The following NOTCH1 variants were observed in gnomAD, a reference collection of about 807,000 sequenced individuals.
The protein encoded by NOTCH1 is notch receptor 1, also known as neurogenic locus notch homolog protein 1.
A neutral mutation model predicts 254.8 loss-of-function variants in NOTCH1; 37 were observed. The observed-to-expected ratio is 0.15, with a 90% CI of 0.11 to 0.19. The LOEUF (loss-of-function observed/expected upper bound fraction) is 0.19, where lower values mean the gene tolerates loss of function less well. Among genes scored for constraint, NOTCH1 ranks in the 10% least tolerant of loss-of-function variants. NOTCH1 has a pLI of 1.00. For missense variants in NOTCH1, 2,972 were observed against 3,708.6 expected, an observed-to-expected ratio of 0.80 and a Z score of 5.16; for synonymous variants, 1,731 against 1,618.1, an observed-to-expected ratio of 1.07 and a Z score of -1.68.
At chr9:136,525,835 G>A (rs746534360) in intron 2 of NOTCH1, among the ~76,000 whole-genome samples, 37 of 152,366 alleles carry the variant, frequency 2.4e-4, no homozygotes, top group Non-Finnish European at 3.8e-4. Flanking sequence ...CCAAAGGCCC[G>A]GGAGGCATCT....
Position 136,513,336 on chromosome 9 carries a change from C to T in NOTCH1, c.2353+56G>A. 6.2e-7 allele frequency: 1 copy of T among 1,610,208 alleles called. No homozygotes were observed. Among genetic ancestry groups the T allele is most frequent in the Non-Finnish European group, 8.5e-7 (1 of 1,179,200 alleles). ...GACCTGGGTCCCGATCCTGTGTCTC[C>T]AGCTCCCCAGACTCGAGGGCGGCCC... is the stretch of plus-strand genomic sequence containing the variant. On this transcript the variant is annotated intron_variant, in intron 14 of 33. Coordinates refer to ENST00000651671, the MANE Select transcript of NOTCH1 (RefSeq NM_017617.5). The surrounding 1 kb of genome is among the most constrained non-coding windows in gnomAD (Gnocchi z 4.7).
intron 15 of NOTCH1, 141 bp from the exon 16 acceptor site, chr9:136,511,412 G>A: frequency 9.2e-7 from 1 of 1,090,030 alleles, no homozygotes; most frequent in Non-Finnish European, 1.3e-6. Context: ...AGACCCCTGA[G>A]CGCTCCCGGC....
chr9:136,545,533 G>A lies in NOTCH1; in HGVS notation c.61+193C>T, dbSNP rs1248041577. On this transcript the variant is annotated intron_variant, in intron 1 of 33. Transcript: ENST00000651671. This position sits in a 1 kb window ranked among gnomAD's most constrained non-coding sequence, Gnocchi z 6.8. ...CGGGCGGCGCGAGTCCGCCTCCACG[G>A]GGGGATCGAGGGGGAAGGTCGGTCC... 1.3e-5 allele frequency among the ~76,000 whole-genome samples: 2 copies of A among 151,862 alleles called. No individual in the cohort carries two copies. Among genetic ancestry groups the A allele is most frequent in the African/African-American group, 2.4e-5 (1 of 41,346 alleles).
intron 2 of NOTCH1, among the ~76,000 whole-genome samples, chr9:136,534,217 A>G (rs1478342959): frequency 2.0e-5 from 3 of 152,222 alleles, no homozygotes; most frequent in Non-Finnish European, 4.4e-5. Context: ...GCCTTGGCTC[A>G]GGCTGGGGCG....
chr9:136,522,885 G>A lies in NOTCH1; in HGVS notation c.707C>T (p.Thr236Met), dbSNP rs537766290. ...GGCACACTCGTGGGTGACGTCGCCC[G>A]TGGGGCGGCAGGTGCCCCCGTTCTG... is the stretch of plus-strand genomic sequence containing the variant. ...PCQNGGTCRP[T>M]GDVTHECACL... The change falls in exon 4 of 34, where the codon ACG becomes ATG. Residue 236 changes from threonine (T) to methionine (M), a missense_variant. This residue lies in a region of NOTCH1 where 374 missense variants were observed against 496.3 expected (regional missense o/e 0.75). Coordinates refer to ENST00000651671, the MANE Select transcript of NOTCH1 (RefSeq NM_017617.5). 1.3e-5 allele frequency: 20 copies of A among 1,530,180 alleles called. No homozygotes were observed. The highest frequency in any genetic ancestry group is 1.1e-4 in the South Asian group (9 of 82,600). 94.8% of individuals were successfully genotyped at this position (1,530,180 alleles called of 1,614,324 possible).
In NOTCH1 at chr9:136,496,795, T is replaced by A; in HGVS notation, c.6944A>T (p.Gln2315Leu). ...GTATTGGTTCGGCACCATGCCGCTC[T>A]GCAGCCGGGACAGCCACTCGCATTG... ...NGQCEWLSRL[Q>L]SGMVPNQYNP... The change falls in exon 34 of 34, where the codon CAG becomes CTG. Residue 2315 changes from glutamine (Q) to leucine (L), a missense_variant. Gln to Leu is a moderately radical substitution (Grantham distance 113, BLOSUM62 -2). Transcript: ENST00000651671. The A allele has an allele frequency of 6.2e-7, 1 of 1,612,926 alleles. No individual in the cohort carries two copies. Among genetic ancestry groups the A allele is most frequent in the Non-Finnish European group, 8.5e-7 (1 of 1,180,010 alleles).
chr9:136,544,881 C>A (rs1350261971), intron 1 of NOTCH1, among the ~76,000 whole-genome samples: 1 of 151,682 alleles, frequency 6.6e-6, no homozygotes, highest in African/African-American at 2.4e-5. Flanking sequence ...GCCCCTCCCT[C>A]CCCATCTTAC....
rs1302629448 is a variant in NOTCH1 at position 136,496,689 on chromosome 9, C to A, written c.7050G>T (p.Leu2350=). Residue 2350 remains leucine (L), a synonymous_variant, in exon 34 of 34, where the codon CTG becomes CTT. Coordinates refer to ENST00000651671, the MANE Select transcript of NOTCH1 (RefSeq NM_017617.5). ...GGGCGCTGGCAGCAAGGCTACTGTG[C>A]AGCGGGCCTACCATGCCATGCTGCA... ...PSLQHGMVGP[L]HSSLAASALS... 6.2e-7 allele frequency: 1 copy of A among 1,612,672 alleles called. No individual in the cohort carries two copies. Among genetic ancestry groups the A allele is most frequent in the Non-Finnish European group, 8.5e-7 (1 of 1,179,956 alleles).
At position 136,511,199 on chromosome 9, in the gene NOTCH1, G is replaced by A. The variant is rs751138076; in HGVS notation, c.2540C>T (p.Ser847Phe). ...PCRNGGECRQ[S>F]EDYESFSCVC... is the part of the protein sequence containing the mutation. ...ACAGGAGAAGCTCTCATAGTCCTCG[G>A]ATTGCCTGCACTCCCCGCCGTTTCT... Residue 847 changes from serine (S) to phenylalanine (F), a missense_variant, in exon 16 of 34, where the codon TCC becomes TTC. Coordinates refer to ENST00000651671, the MANE Select transcript of NOTCH1 (RefSeq NM_017617.5). 3 of 1,612,800 alleles carry A rather than the reference G, an allele frequency of 1.9e-6. No individual in the cohort carries two copies. The South Asian group carries it at 3.3e-5, about 18-fold the overall frequency.
Position 136,506,405 on chromosome 9 carries a change from G to T in NOTCH1, c.4014+122C>A. On this transcript the variant is annotated intron_variant, in intron 24 of 33. Transcript: ENST00000651671. The surrounding 1 kb of genome is among the most constrained non-coding windows in gnomAD (Gnocchi z 4.5). ...AACTAAAAAAAAAAAAAAGACATCA[G>T]GGTGAGGAGGAGGATGAAGGCCGGG... 1 of 719,344 alleles carries T rather than the reference G, an allele frequency of 1.4e-6. No individual in the cohort carries two copies. Among genetic ancestry groups the T allele is most frequent in the Non-Finnish European group, 2.3e-6 (1 of 433,896 alleles). 44.6% of individuals were successfully genotyped at this position (719,344 alleles called of 1,614,324 possible).
Position 136,510,067 on chromosome 9 carries a change from C to T in NOTCH1, c.2741-106G>A, listed in dbSNP as rs913292874. The T allele has an allele frequency of 8.1e-6, 9 of 1,112,758 alleles. 1 individual carries two copies. In the East Asian group the frequency reaches 9.8e-5, roughly 12 times the overall value. The allele number at this position is 1,112,758 out of a possible 1,614,324, so 68.9% of individuals were successfully genotyped here. On this transcript the variant is annotated intron_variant, in intron 17 of 33. Transcript: ENST00000651671. ...TGGGGACAGCCCAGCCTTTCGTTGC[C>T]GAGGCTGCGGCAAGCAGCCCTGTGA...
In NOTCH1 at chr9:136,495,479, A is replaced by G; in HGVS notation, c.*592T>C. The G allele has an allele frequency of 2.5e-6, 1 of 399,454 alleles. No homozygotes were observed. The highest frequency in any genetic ancestry group is 4.4e-6 in the Non-Finnish European group (1 of 226,600). The allele number at this position is 399,454 out of a possible 1,614,324, so 24.7% of individuals were successfully genotyped here. A position where few individuals can be genotyped will look rare whatever the true frequency, so the allele number is the denominator to read the frequency against. ...ACCCATATGCTTTCACTTGTTTCCT[A>G]TTTCAGATGCAAATTAATCCGCGTG... On this transcript the variant is annotated 3_prime_UTR_variant, in exon 34 of 34. Coordinates refer to ENST00000651671, the MANE Select transcript of NOTCH1 (RefSeq NM_017617.5).
At chr9:136,536,095 C>G (rs951453269) in intron 2 of NOTCH1, among the ~76,000 whole-genome samples, 2 of 152,018 alleles carry the variant, frequency 1.3e-5, no homozygotes, top group Non-Finnish European at 2.9e-5. Flanking sequence ...CCACAGGTCT[C>G]GGAGATACAC....
intron 26 of NOTCH1, among the ~76,000 whole-genome samples, chr9:136,503,857 T>C (rs1217709413): frequency 6.6e-6 from 1 of 152,214 alleles, no homozygotes; most frequent in East Asian, 1.9e-4. Flanking sequence ...CCAGCAGAAC[T>C]GACAGGCAAA....
Position 136,518,583 on chromosome 9 carries a change from G to A in NOTCH1, c.1099+8C>T, listed in dbSNP as rs555823368. 1.9e-6 allele frequency: 3 copies of A among 1,610,198 alleles called. No homozygotes were observed. In the South Asian group the frequency reaches 3.3e-5, roughly 18 times the overall value. On this transcript the variant is annotated splice_region_variant and intron_variant, in intron 6 of 33. Coordinates refer to ENST00000651671, the MANE Select transcript of NOTCH1 (RefSeq NM_017617.5). ...CCCCTGCGCCCACCTGGGCCTCAAG[G>A]CACTCACCTGTGCGGCCATGGGGAC...
chr9:136,512,360 A>T (rs1029626288), intron 15 of NOTCH1, among the ~76,000 whole-genome samples: 2 of 152,148 alleles, frequency 1.3e-5, no homozygotes, highest in African/African-American at 2.4e-5. Context: ...GCCCCGTGGC[A>T]GCACCCTCTG....
At chr9:136,544,506 G>A (rs1411920856) in intron 1 of NOTCH1, among the ~76,000 whole-genome samples, 1 of 152,144 alleles carries the variant, frequency 6.6e-6, no homozygotes, top group Admixed American at 6.5e-5. Flanking sequence ...CCCCCATCCA[G>A]CCGCCGAGAT....
At chr9:136,525,519 G>A (rs1349923929) in intron 2 of NOTCH1, among the ~76,000 whole-genome samples, 1 of 152,198 alleles carries the variant, frequency 6.6e-6, no homozygotes, top group Non-Finnish European at 1.5e-5. Flanking sequence ...CTCAGGCCCT[G>A]GGTGGGCATG....
chr9:136,511,378 C>T, intron 15 of NOTCH1, 107 bp from the exon 16 acceptor site: 1 of 1,423,484 alleles, frequency 7.0e-7, no homozygotes, highest in Non-Finnish European at 9.5e-7. Context: ...TCTGCTGGTC[C>T]CGCCGGGAGG....
Sources: gnomAD v4.1 joint callset for allele counts (sites outside exome capture counted in the v4.1 genomes callset) on GRCh38, gnomAD v4.1.1 for gene constraint, gnomAD v4.1.1 regional missense constraint, Gnocchi (gnomAD v3.1) non-coding constraint, MANE v1.5 for transcripts, NCBI Gene and HGNC (gene_info 2026-07-23, HGNC 2026-07-21) for gene names.